The following COL4A1 variants were observed in gnomAD, a reference collection of about 807,000 sequenced individuals.
COL4A1 encodes the protein collagen alpha-1(IV) chain.
In COL4A1, 40 loss-of-function variants were observed where a neutral mutation model predicts 216.6. The observed-to-expected ratio is 0.18, with a 90% CI of 0.14 to 0.24. The LOEUF (loss-of-function observed/expected upper bound fraction) is 0.24, where lower values mean the gene tolerates loss of function less well. Among genes scored for constraint, COL4A1 ranks in the 10% least tolerant of loss-of-function variants. The probability of loss-of-function intolerance (pLI) is 1.00; values close to 1 mark genes in which losing one functional copy is unlikely to be tolerated. For missense variants in COL4A1, 1,628 were observed against 2,196.8 expected (o/e 0.74, Z 5.18); for synonymous variants, 839 against 810.7 (o/e 1.03, Z -0.59).
At chr13:110,294,958 G>C (rs1391950608) in intron 1 of COL4A1, among the ~76,000 whole-genome samples, 2 of 152,152 alleles carry the variant, frequency 1.3e-5, no homozygotes, top group Non-Finnish European at 2.9e-5. Flanking sequence ...TACTTATGTA[G>C]TGTATATGTG....
chr13:110,245,874 G>A (rs1158724239), intron 1 of COL4A1, among the ~76,000 whole-genome samples: 16 of 152,128 alleles, frequency 1.1e-4, no homozygotes, highest in Admixed American at 1.0e-3. Flanking sequence ...AAGGAACACT[G>A]GGGAAAATCA....
chr13:110,186,569 G>C lies in COL4A1; in HGVS notation c.1729-16C>G. The C allele has an allele frequency of 6.2e-7, 1 of 1,613,750 alleles. No individual in the cohort carries two copies. The highest frequency in any genetic ancestry group is 1.7e-5 in the Admixed American group (1 of 59,974). On this transcript the variant is annotated splice_polypyrimidine_tract_variant and intron_variant, in intron 25 of 51. Coordinates refer to ENST00000375820, the MANE Select transcript of COL4A1 (RefSeq NM_001845.6). ...CTACAGAACCCTGATGTGAGAAGAA[G>C]AAAAAGACACCGTTATCAGAGACAC...
chr13:110,169,658 T>C lies in COL4A1; in HGVS notation c.3847A>G (p.Lys1283Glu), dbSNP rs1428898008. ...ATGCCCTGGAATCCAGGGTCTCCCT[T>C]GGGCCCTGGGACACCGGGTGCTCCT... ...WPGAPGVPGP[K>E]GDPGFQGMPG... Residue 1283 changes from lysine to glutamate, a missense_variant, in exon 43 of 52, where the codon AAG (lysine) becomes GAG (glutamate). Physicochemically the swap from Lys to Glu is moderately conservative, Grantham distance 56. Coordinates refer to ENST00000375820, the MANE Select transcript of COL4A1 (RefSeq NM_001845.6). 6.2e-7 allele frequency: 1 copy of C among 1,614,026 alleles called. No homozygotes were observed. Among genetic ancestry groups the C allele is most frequent in the Admixed American group, 1.7e-5 (1 of 60,010 alleles).
intron 36 of COL4A1, 42 bp from the exon 37 acceptor site, chr13:110,175,399 G>A (rs748014741): frequency 3.7e-6 from 6 of 1,612,884 alleles, no homozygotes; most frequent in Non-Finnish European, 5.1e-6. Context: ...GGCTTAGCTA[G>A]TGCTGGTATT....
At chr13:110,213,092 T>C (rs1879895341) in intron 4 of COL4A1, among the ~76,000 whole-genome samples, 2 of 152,020 alleles carry the variant, frequency 1.3e-5, no homozygotes, top group Admixed American at 1.3e-4. Flanking sequence ...ATAAGAGTGA[T>C]ACAATGGACT....
At chr13:110,235,513 T>C (rs1881274916) in intron 2 of COL4A1, among the ~76,000 whole-genome samples, 1 of 151,720 alleles carries the variant, frequency 6.6e-6, no homozygotes, top group Non-Finnish European at 1.5e-5. Flanking sequence ...TAGCCTGGCA[T>C]GGTGGCGGGT....
intron 1 of COL4A1, among the ~76,000 whole-genome samples, chr13:110,285,612 C>A (rs117049792): frequency 1.3e-5 from 2 of 152,180 alleles, no homozygotes; most frequent in Non-Finnish European, 2.9e-5. Flanking sequence ...AACTGGTGCA[C>A]TGAGTAAAGC....
At chr13:110,187,781 G>T (rs545944964) in intron 24 of COL4A1, among the ~76,000 whole-genome samples, 6 of 152,116 alleles carry the variant, frequency 3.9e-5, no homozygotes, top group African/African-American at 1.4e-4. Context: ...CAGCCCCACC[G>T]GCAGCACGCA....
At chr13:110,177,374 G>T (rs1179202362) in intron 33 of COL4A1, among the ~76,000 whole-genome samples, 1 of 152,054 alleles carries the variant, frequency 6.6e-6, no homozygotes, top group East Asian at 1.9e-4. Flanking sequence ...CAAAATAATA[G>T]AACAGGAATT....
chr13:110,232,697 T>C (rs9521658), intron 2 of COL4A1, among the ~76,000 whole-genome samples: 19,520 of 152,224 alleles, frequency 0.13, 1,525 homozygotes, highest in Non-Finnish European at 0.18. Flanking sequence ...TGACAGCCTG[T>C]ACTCCTGGAG....
chr13:110,181,959 G>C (rs534244891), intron 28 of COL4A1, among the ~76,000 whole-genome samples: 1 of 152,202 alleles, frequency 6.6e-6, no homozygotes, highest in Non-Finnish European at 1.5e-5. Flanking sequence ...CCAGTAATTT[G>C]TAAGTTTGCA....
At chr13:110,224,139 A>G (rs1005339477) in intron 2 of COL4A1, among the ~76,000 whole-genome samples, 1 of 152,210 alleles carries the variant, frequency 6.6e-6, no homozygotes, top group African/African-American at 2.4e-5. Context: ...GAGTCTGCAC[A>G]TGAAATCACG....
At chr13:110,180,066 A>G (rs866754437) in intron 29 of COL4A1, among the ~76,000 whole-genome samples, 1 of 152,168 alleles carries the variant, frequency 6.6e-6, no homozygotes, top group African/African-American at 2.4e-5. Context: ...TCTGCAAATG[A>G]TATTTCCAGA....
intron 1 of COL4A1, among the ~76,000 whole-genome samples, chr13:110,252,024 A>C (rs1882093456): frequency 6.6e-6 from 1 of 152,120 alleles, no homozygotes; most frequent in Non-Finnish European, 1.5e-5. Flanking sequence ...CCTAATCATA[A>C]ATAAATTACT....
intron 20 of COL4A1, among the ~76,000 whole-genome samples, chr13:110,200,293 G>A (rs921908572): frequency 1.3e-5 from 2 of 152,196 alleles, no homozygotes; most frequent in Non-Finnish European, 2.9e-5. Context: ...TCTGCAAAGC[G>A]CAGTCTGCCA....
chr13:110,189,672 T>C (rs1878549082), intron 24 of COL4A1, among the ~76,000 whole-genome samples: 1 of 152,200 alleles, frequency 6.6e-6, no homozygotes, highest in Non-Finnish European at 1.5e-5. Flanking sequence ...AAAGGTGTTT[T>C]GGGATTTTTA....
chr13:110,307,043 G>A lies in COL4A1; in HGVS notation c.-16C>T. Reference sequence around the variant, plus strand: ...GGGGCCCCATGGTGGCGCGCCCGAGGCGGCGAGGGACGGCTGCCCGGCGTG... The same window carrying A: ...GGGGCCCCATGGTGGCGCGCCCGAGACGGCGAGGGACGGCTGCCCGGCGTG... On this transcript the variant is annotated 5_prime_UTR_variant, in exon 1 of 52. Coordinates refer to ENST00000375820, the MANE Select transcript of COL4A1 (RefSeq NM_001845.6). The surrounding 1 kb of genome is among the most constrained non-coding windows in gnomAD (Gnocchi z 5.0). The A allele has an allele frequency of 6.9e-7, 1 of 1,456,266 alleles. No homozygotes were observed. The highest frequency in any genetic ancestry group is 1.3e-5 in the South Asian group (1 of 75,054). The allele number at this position is 1,456,266 out of a possible 1,614,324, so 90.2% of individuals were successfully genotyped here. A position where few individuals can be genotyped will look rare whatever the true frequency, so the allele number is the denominator to read the frequency against.
At chr13:110,225,881 G>C (rs1346286107) in intron 2 of COL4A1, among the ~76,000 whole-genome samples, 2 of 152,192 alleles carry the variant, frequency 1.3e-5, no homozygotes, top group African/African-American at 4.8e-5. Context: ...TCATCTGTAA[G>C]TCAGGGATGA....
At chr13:110,205,332 C>A (rs1440390159) in intron 17 of COL4A1, 21 bp downstream of exon 17, 1 of 1,613,864 alleles carries the variant, frequency 6.2e-7, no homozygotes, top group Non-Finnish European at 8.5e-7. Context: ...GATAAAGGCT[C>A]ACAATAGTGC....
Sources: gnomAD v4.1 joint callset for allele counts (sites outside exome capture counted in the v4.1 genomes callset) on GRCh38, gnomAD v4.1.1 for gene constraint, Gnocchi (gnomAD v3.1) non-coding constraint, MANE v1.5 for transcripts, NCBI Gene and HGNC (gene_info 2026-07-23, HGNC 2026-07-21) for gene names.